ADCY9: variants seen among roughly 807,000 people sequenced by gnomAD.
ADCY9 encodes adenylate cyclase type 9.
A neutral mutation model predicts 101.5 loss-of-function variants in ADCY9; 50 were observed. That is an observed-to-expected ratio of 0.49 (90% CI 0.39 to 0.62). ADCY9 has a LOEUF of 0.62. Among genes scored for constraint, ADCY9 ranks in the 20% least tolerant of loss-of-function variants. ADCY9 has a pLI of 0.00. For synonymous variants in ADCY9, 905 were observed against 769.3 expected (o/e 1.18, Z -2.92); for missense variants, 1,662 against 1,800.4 (o/e 0.92, Z 1.39).
chr16:4,015,891 C>T (rs977414173), intron 2 of ADCY9, among the ~76,000 whole-genome samples: 2 of 151,898 alleles, frequency 1.3e-5, no homozygotes, highest in African/African-American at 4.8e-5. Flanking sequence ...TCTCTCGAAC[C>T]CGGGAGGCAG....
chr16:4,067,831 T>A (rs1202624251), intron 2 of ADCY9, among the ~76,000 whole-genome samples: 1 of 152,234 alleles, frequency 6.6e-6, no homozygotes, highest in African/African-American at 2.4e-5. Context: ...TGAATTTGTA[T>A]CTTAGTAGCT....
intron 2 of ADCY9, among the ~76,000 whole-genome samples, chr16:4,011,784 T>C (rs1375701877): frequency 9.0e-5 from 12 of 133,424 alleles, no homozygotes; most frequent in East Asian, 2.3e-4. Context: ...TAGTGAGCTG[T>C]TTCATCGCTG....
intron 2 of ADCY9, among the ~76,000 whole-genome samples, chr16:4,040,347 A>G (rs965435964): frequency 5.3e-5 from 8 of 152,138 alleles, no homozygotes; most frequent in Non-Finnish European, 1.2e-4. Context: ...TAATCAAGAA[A>G]GCTTCTTTTA....
intron 2 of ADCY9, among the ~76,000 whole-genome samples, chr16:4,065,027 G>A (rs12325363): frequency 0.13 from 20,475 of 152,080 alleles, 1,421 homozygotes; most frequent in Middle Eastern, 0.18. Flanking sequence ...ATAGGCATTC[G>A]CTGCAGCCAT....
chr16:4,064,072 A>G (rs1183247358), intron 2 of ADCY9, among the ~76,000 whole-genome samples: 1 of 152,214 alleles, frequency 6.6e-6, no homozygotes, highest in Non-Finnish European at 1.5e-5. Flanking sequence ...TAGAACTAAT[A>G]AGCAAGTTTA....
intron 7 of ADCY9, 72 bp from the exon 8 acceptor site, chr16:3,979,347 G>A: frequency 6.4e-7 from 1 of 1,561,040 alleles, no homozygotes; most frequent in South Asian, 1.1e-5. Context: ...ACAGGTGCGA[G>A]GCCGCAGCCA....
At chr16:3,996,543 G>A (rs1287708103) in intron 3 of ADCY9, among the ~76,000 whole-genome samples, 1 of 152,152 alleles carries the variant, frequency 6.6e-6, no homozygotes, top group Non-Finnish European at 1.5e-5. Context: ...GCTTGATGGG[G>A]CACACCAGCC....
At chr16:4,028,569 G>C (rs2056533104) in intron 2 of ADCY9, among the ~76,000 whole-genome samples, 1 of 152,158 alleles carries the variant, frequency 6.6e-6, no homozygotes, top group African/African-American at 2.4e-5. Context: ...GACACAGAAA[G>C]TAGATTTGTG....
At chr16:3,986,705 G>A (rs947555962) in intron 6 of ADCY9, among the ~76,000 whole-genome samples, 41 of 152,092 alleles carry the variant, frequency 2.7e-4, no homozygotes, top group Non-Finnish European at 5.6e-4. Flanking sequence ...TGATCTGCCC[G>A]CCTCAGCCTC....
At chr16:4,055,896 G>T (rs544175754) in intron 2 of ADCY9, among the ~76,000 whole-genome samples, 1 of 152,028 alleles carries the variant, frequency 6.6e-6, no homozygotes, top group South Asian at 2.1e-4. Context: ...CCACTTCTAA[G>T]TATGAGGAAT....
chr16:4,080,934 G>C (rs768660439), intron 2 of ADCY9, among the ~76,000 whole-genome samples: 3 of 151,786 alleles, frequency 2.0e-5, no homozygotes, highest in Non-Finnish European at 2.9e-5. Context: ...CTTGTCTCTG[G>C]GATTGCTTTT....
chr16:4,023,366 CG>C (rs1259174186), intron 2 of ADCY9, among the ~76,000 whole-genome samples: 2 of 152,156 alleles, frequency 1.3e-5, no homozygotes, highest in Non-Finnish European at 1.5e-5. Flanking sequence ...ACCCAACATG[CG>C]GTTTGGACAG....
intron 2 of ADCY9, among the ~76,000 whole-genome samples, chr16:4,063,885 A>G (rs1396833821): frequency 6.6e-6 from 1 of 152,218 alleles, no homozygotes; most frequent in Non-Finnish European, 1.5e-5. Flanking sequence ...CTTTGTTCAG[A>G]AACAAAACAA....
intron 6 of ADCY9, among the ~76,000 whole-genome samples, chr16:3,985,734 T>C (rs76536817): frequency 0.21 from 31,999 of 151,948 alleles, 3,846 homozygotes; most frequent in Non-Finnish European, 0.27. Flanking sequence ...GCCCCATCCA[T>C]GGACGCTGCC....
At chr16:3,979,695 G>C (rs1249744199) in intron 7 of ADCY9, among the ~76,000 whole-genome samples, 1 of 152,342 alleles carries the variant, frequency 6.6e-6, no homozygotes, top group East Asian at 1.9e-4. Context: ...AGCCCGTGCA[G>C]TTGTCGCAGC....
chr16:4,054,594 G>A (rs932613942), intron 2 of ADCY9, among the ~76,000 whole-genome samples: 10 of 150,084 alleles, frequency 6.7e-5, no homozygotes, highest in African/African-American at 2.0e-4. Context: ...TTTTTGAGAC[G>A]GACTCTCGCT....
In ADCY9 at chr16:4,007,390, A is replaced by T. The variant is rs2056373478; in HGVS notation, c.1862T>A (p.Val621Asp). The T allele has an allele frequency of 6.3e-7, 1 of 1,581,534 alleles. No homozygotes were observed. The highest frequency in any genetic ancestry group is 2.2e-5 in the East Asian group (1 of 44,586). ...AACCTTAAGGTTATCAAAGGTTTTG[A>T]CAGTCTGCGCCAAGTCACTGACATT... ...SGNVSDLAQT[V>D]KTFDNLKTCP... is the part of the protein sequence containing the mutation. Residue 621 changes from valine to aspartate, a missense_variant, in exon 3 of 11, where the codon GTC becomes GAC. Val to Asp is a radical substitution (Grantham distance 152). Transcript: ENST00000294016.
At chr16:3,985,918 C>A (rs2056188626) in intron 6 of ADCY9, among the ~76,000 whole-genome samples, 1 of 152,070 alleles carries the variant, frequency 6.6e-6, no homozygotes, top group South Asian at 2.1e-4. Flanking sequence ...TGCCACCTGT[C>A]CCAGTCCCAC....
chr16:4,071,024 G>A (rs964105920), intron 2 of ADCY9, among the ~76,000 whole-genome samples: 1 of 150,788 alleles, frequency 6.6e-6, no homozygotes, highest in Admixed American at 6.6e-5. Flanking sequence ...TCAAAGAGGC[G>A]GGGTTACAAA....
Sources: allele counts gnomAD v4.1 joint callset (sites outside exome capture counted in the v4.1 genomes callset), GRCh38; gene constraint gnomAD v4.1.1; transcripts MANE v1.5; gene names NCBI Gene and HGNC (gene_info 2026-07-23, HGNC 2026-07-21).